The following IFT172 variants were observed in gnomAD, a reference collection of about 807,000 sequenced individuals.
The protein encoded by IFT172 is intraflagellar transport protein 172 homolog.
IFT172 carries 164 observed loss-of-function variants against 248.9 expected under a neutral mutation model. That is an observed-to-expected ratio of 0.66 (90% confidence interval 0.58 to 0.75). The LOEUF is 0.75. Among genes scored for constraint, IFT172 ranks in the 30% least tolerant of loss-of-function variants. The pLI, the probability that IFT172 is intolerant of heterozygous loss-of-function variation, is 0.00. For missense variants in IFT172, 1,950 were observed against 2,192.4 expected, an observed-to-expected ratio of 0.89 and a Z score of 2.21; for synonymous variants, 729 against 791.6, an observed-to-expected ratio of 0.92 and a Z score of 1.33.
At chr2:27,484,738 C>G (rs1056403235) in intron 3 of IFT172, among the ~76,000 whole-genome samples, 5 of 152,078 alleles carry the variant, frequency 3.3e-5, no homozygotes, top group Admixed American at 2.6e-4. Context: ...TATGAGGGAG[C>G]CTAAGCAGCT....
chr2:27,446,552 C>T (rs536719308), intron 42 of IFT172, 197 bp from the exon 43 acceptor site: 85 of 519,412 alleles, frequency 1.6e-4, no homozygotes, highest in South Asian at 1.4e-3. Context: ...TCAATTCTTT[C>T]GCCCAGGCTG....
intron 42 of IFT172, 25 bp from the exon 43 acceptor site, chr2:27,446,380 G>T: frequency 6.2e-7 from 1 of 1,605,440 alleles, no homozygotes; most frequent in South Asian, 1.1e-5. Flanking sequence ...AAAGCATTAT[G>T]AATATGGCAC....
rs1384062308 is a variant in IFT172 at position 27,450,064 on chromosome 2, G to A, written c.3984C>T (p.Pro1328=). ...AAELSIKFLP[P]QRNMEVVLAV... The stretch of plus-strand genomic sequence containing the variant: ...CCAGAACGACTTCCATATTACGTTG[G>A]GGAGGCAGAAACTTGATGGAGAGTT... Residue 1328 remains proline, a synonymous_variant, in exon 36 of 48, where the codon CCC becomes CCT. Transcript: ENST00000260570. 2 of 1,614,154 alleles carry A rather than the reference G, an allele frequency of 1.2e-6. No individual in the cohort carries two copies. Among genetic ancestry groups the A allele is most frequent in the Admixed American group, 3.3e-5 (2 of 60,016 alleles).
In IFT172 at chr2:27,476,621, T is replaced by C. The variant is rs548177455; in HGVS notation, c.1411+20A>G. 7.2e-7 allele frequency: 1 copy of C among 1,380,320 alleles called. No individual in the cohort carries two copies. The highest frequency in any genetic ancestry group is 1.7e-5 in the Admixed American group (1 of 57,486). 85.5% of individuals were successfully genotyped at this position (1,380,320 alleles called of 1,614,324 possible). A position where few individuals can be genotyped will look rare whatever the true frequency, so the allele number is the denominator to read the frequency against. On this transcript the variant is annotated intron_variant, in intron 14 of 47. Transcript: ENST00000260570. ...TAAACATCTATTTTGTTATTAAAAT[T>C]ATGAGAGAGTCTTACTCACCTATAG...
chr2:27,449,098 T>A, intron 39 of IFT172, 67 bp from the exon 40 acceptor site: 1 of 1,104,728 alleles, frequency 9.1e-7, no homozygotes, highest in Non-Finnish European at 1.4e-6. Context: ...TGAGGTGACT[T>A]GAGGCCATGT....
Position 27,447,560 on chromosome 2 carries a change from A to G in IFT172, c.4614T>C (p.Ala1538=). The G allele has an allele frequency of 6.2e-7, 1 of 1,614,114 alleles. No homozygotes were observed. The highest frequency in any genetic ancestry group is 8.5e-7 in the Non-Finnish European group (1 of 1,180,000). The part of the protein sequence containing the change: ...HEEFKTMLLI[A]HYYATRSAAQ... ...CTGCAGAGCGCGTGGCATAGTAATG[A>G]GCGATCAGCAGCATCGTCTTGAACT... The change falls in exon 42 of 48, where the codon GCT becomes GCC. Residue 1538 remains alanine, a synonymous_variant. Transcript: ENST00000260570.
chr2:27,485,375 T>A lies in IFT172; in HGVS notation c.168A>T (p.Lys56Asn). 2 of 1,614,060 alleles carry A rather than the reference T, an allele frequency of 1.2e-6. No individual in the cohort carries two copies. Among genetic ancestry groups the A allele is most frequent in the Non-Finnish European group, 1.7e-6 (2 of 1,180,022 alleles). ...HGERRDKFSTKPADMKYGRKS... is the reference protein window; with the variant it reads ...HGERRDKFSTNPADMKYGRKS... Reference sequence around the variant, plus strand: ...CACTGTTTACCTTCATGTCAGCTGGTTTGGTGGAGAATTTATCTCTCCGTT... The same window carrying A: ...CACTGTTTACCTTCATGTCAGCTGGATTGGTGGAGAATTTATCTCTCCGTT... The change falls in exon 2 of 48, where the codon AAA becomes AAT. Residue 56 changes from lysine (K) to asparagine (N), a missense_variant. Physicochemically the swap from Lys to Asn is moderately conservative, Grantham distance 94 (BLOSUM62 0). Transcript: ENST00000260570.
chr2:27,446,612 C>T (rs553227051), intron 42 of IFT172: 3 of 295,074 alleles, frequency 1.0e-5, no homozygotes, highest in Admixed American at 9.5e-5. Context: ...CTCCCGGATT[C>T]AAGTAATTCT....
chr2:27,464,923 A>AT (rs1367720551), intron 18 of IFT172, among the ~76,000 whole-genome samples: 114 of 109,622 alleles, frequency 1.0e-3, no homozygotes, highest in African/African-American at 4.6e-3. Flanking sequence ...CAGCCAAGAC[A>AT]TATTTTTTTT....
chr2:27,464,118 G>A (rs1277000679), intron 18 of IFT172, among the ~76,000 whole-genome samples: 1 of 152,204 alleles, frequency 6.6e-6, no homozygotes, highest in Non-Finnish European at 1.5e-5. Flanking sequence ...GTGGGAGACG[G>A]CAGTGGTCTG....
rs777676427 is a variant in IFT172, at chr2:27,457,737, G to A, written c.3130C>T (p.Arg1044Ter). 31 of 1,613,990 alleles carry A rather than the reference G, an allele frequency of 1.9e-5. No individual in the cohort carries two copies. The highest frequency in any genetic ancestry group is 2.3e-5 in the Non-Finnish European group (27 of 1,180,044). The change falls in exon 29 of 48, where the codon CGA becomes TGA. Residue 1044 changes from arginine (R) to a stop codon, truncating the protein, a stop_gained. Coordinates refer to ENST00000260570, the MANE Select transcript of IFT172 (RefSeq NM_015662.3). LOFTEE classifies it high-confidence loss of function. ...HLGKELEAEG[R>*]LQEAEYHYLE... ...TAGTGGTACTCAGCCTCCTGTAGTC[G>A]GCCTTCAGCCTCCAGCTCCTGCAGG...
chr2:27,450,157 C>A lies in IFT172; in HGVS notation c.3952-61G>T, dbSNP rs1665530850. 4.8e-6 allele frequency: 6 copies of A among 1,261,962 alleles called. 1 individual carries two copies. The Admixed American group carries it at 1.1e-4, about 23-fold the overall frequency. The allele number at this position is 1,261,962 out of a possible 1,614,324, so 78.2% of individuals were successfully genotyped here. A position where few individuals can be genotyped will look rare whatever the true frequency, so the allele number is the denominator to read the frequency against. On this transcript the variant is annotated intron_variant, in intron 35 of 47. Transcript: ENST00000260570. ...GAGACAAATACCGCTGAGTCCTCAGCCTCATCCATTTCATACATTTTTCTC... is the reference window on the plus strand; with the variant it reads ...GAGACAAATACCGCTGAGTCCTCAGACTCATCCATTTCATACATTTTTCTC...
chr2:27,458,585 T>C (rs917450538), intron 26 of IFT172, among the ~76,000 whole-genome samples, 194 bp downstream of exon 26: 2 of 152,208 alleles, frequency 1.3e-5, no homozygotes, highest in Admixed American at 6.5e-5. Context: ...GAATGATAGA[T>C]AGGTCTGGAA....
chr2:27,450,351 T>G (rs1164496248), intron 35 of IFT172, among the ~76,000 whole-genome samples: 1 of 152,188 alleles, frequency 6.6e-6, no homozygotes, highest in East Asian at 1.9e-4. Context: ...GGTCACTGCA[T>G]TTGAAACTTC....
chr2:27,450,966 T>A (rs1265201968), intron 35 of IFT172, among the ~76,000 whole-genome samples: 1 of 150,190 alleles, frequency 6.7e-6, no homozygotes, highest in Non-Finnish European at 1.5e-5. Context: ...TTTTTTTTTT[T>A]ACTCTTTTTA....
At chr2:27,451,648 C>T (rs1200360571) in intron 35 of IFT172, among the ~76,000 whole-genome samples, 3 of 152,176 alleles carry the variant, frequency 2.0e-5, no homozygotes, top group African/African-American at 7.2e-5. Context: ...CACCTGTAGT[C>T]CCAGCTACTC....
At chr2:27,461,961 C>A in intron 20 of IFT172, 125 bp from the exon 21 acceptor site, 2 of 880,066 alleles carry the variant, frequency 2.3e-6, no homozygotes, top group Non-Finnish European at 3.6e-6. Context: ...ACTACTATAC[C>A]AACAGAAATA....
Position 27,454,640 on chromosome 2 carries a change from T to G in IFT172, c.3392A>C (p.Glu1131Ala). The change falls in exon 31 of 48, where the codon GAA (glutamate) becomes GCA (alanine). Residue 1131 changes from glutamate (E) to alanine (A), a missense_variant. Transcript: ENST00000260570. This position sits in a 1 kb window ranked among gnomAD's most constrained non-coding sequence, Gnocchi z 4.2. ...GTGCTTGAGGGCCAGCCGAGAGAGTTCAAACGCAAATTCAAAGGAGCTGAA... is the reference window on the plus strand; with the variant it reads ...GTGCTTGAGGGCCAGCCGAGAGAGTGCAAACGCAAATTCAAAGGAGCTGAA... ...ADNCSFEFAF[E>A]LSRLALKHKT... is the part of the protein sequence containing the mutation. The G allele has an allele frequency of 6.2e-7, 1 of 1,614,024 alleles. No individual in the cohort carries two copies. The highest frequency in any genetic ancestry group is 8.5e-7 in the Non-Finnish European group (1 of 1,179,980).
chr2:27,457,043 T>A (rs1301132214), intron 29 of IFT172, among the ~76,000 whole-genome samples: 1 of 151,650 alleles, frequency 6.6e-6, no homozygotes, highest in African/African-American at 2.4e-5. Flanking sequence ...AAACTCCATC[T>A]CAAAAAATAA....
Sources: gnomAD v4.1 joint callset for allele counts (sites outside exome capture counted in the v4.1 genomes callset) on GRCh38, gnomAD v4.1.1 for gene constraint, Gnocchi (gnomAD v3.1) non-coding constraint, MANE v1.5 for transcripts, NCBI Gene and HGNC (gene_info 2026-07-23, HGNC 2026-07-21) for gene names.